Variants in SPARCL1 observed in about 807,000 individuals in gnomAD.
The protein encoded by SPARCL1 is SPARC-like protein 1.
Under a neutral mutation model 67.1 loss-of-function variants are expected in SPARCL1, and 52 were observed. The ratio of observed to expected loss-of-function variants is 0.78; its 90% CI spans 0.62 to 0.98. The LOEUF is 0.98. SPARCL1 is among the 50% of genes least tolerant of loss of function. SPARCL1 has a pLI of 0.00. For missense variants in SPARCL1, 717 were observed against 782.4 expected (o/e 0.92, Z 1.00); for synonymous variants, 226 against 267.8 (o/e 0.84, Z 1.52).
chr4:87,508,027 C>T (rs989871070), intron 1 of SPARCL1, among the ~76,000 whole-genome samples: 2 of 152,258 alleles, frequency 1.3e-5, no homozygotes, highest in African/African-American at 4.8e-5. Context: ...TAGGAACCTC[C>T]ATAGGTTCAG....
intron 1 of SPARCL1, among the ~76,000 whole-genome samples, chr4:87,501,190 G>A (rs1356867715): frequency 6.6e-6 from 1 of 152,118 alleles, no homozygotes; most frequent in South Asian, 2.1e-4. Context: ...CCAGAGCCTC[G>A]GAGTTCTTGC....
At chr4:87,496,677 A>C (rs971163472) in intron 2 of SPARCL1, among the ~76,000 whole-genome samples, 11 of 152,224 alleles carry the variant, frequency 7.2e-5, no homozygotes, top group Non-Finnish European at 1.5e-4. Flanking sequence ...ACACTGTGTC[A>C]ATAATATAAA....
At chr4:87,479,995 C>A (rs1357551466) in intron 9 of SPARCL1, among the ~76,000 whole-genome samples, 1 of 150,418 alleles carries the variant, frequency 6.6e-6, no homozygotes, top group African/African-American at 2.4e-5. Flanking sequence ...AACTTGGGAG[C>A]TGTGGTGTAG....
At chr4:87,483,707 T>G (rs1723928619) in intron 7 of SPARCL1, among the ~76,000 whole-genome samples, 1 of 152,256 alleles carries the variant, frequency 6.6e-6, no homozygotes, top group South Asian at 2.1e-4. Context: ...ACCAACAATA[T>G]GAAAGCGTTC....
intron 7 of SPARCL1, among the ~76,000 whole-genome samples, chr4:87,486,993 T>G (rs186096707): frequency 4.4e-4 from 65 of 148,690 alleles, no homozygotes; most frequent in South Asian, 1.1e-3. Flanking sequence ...TGTTTTTGCA[T>G]GTGAGCTGGG....
chr4:87,523,636 C>T (rs915064039), intron 1 of SPARCL1, among the ~76,000 whole-genome samples: 15 of 152,102 alleles, frequency 9.9e-5, no homozygotes, highest in Admixed American at 3.9e-4. Flanking sequence ...AGTGAACATA[C>T]ACATTGGTGT....
chr4:87,489,287 C>T (rs1724207553), intron 7 of SPARCL1, among the ~76,000 whole-genome samples: 1 of 152,150 alleles, frequency 6.6e-6, no homozygotes, highest in Admixed American at 6.6e-5. Flanking sequence ...GTATCTGGGC[C>T]AGAATGCACT....
chr4:87,492,634 A>C (rs1190615424), intron 4 of SPARCL1, among the ~76,000 whole-genome samples: 2 of 152,188 alleles, frequency 1.3e-5, no homozygotes, highest in Non-Finnish European at 2.9e-5. Flanking sequence ...AGCCAGAGTT[A>C]CATTGGAAAT....
chr4:87,485,169 T>C (rs1723998733), intron 7 of SPARCL1, among the ~76,000 whole-genome samples: 1 of 152,138 alleles, frequency 6.6e-6, no homozygotes, highest in South Asian at 2.1e-4. Flanking sequence ...TGTTTCCAGC[T>C]TCTGCCCATT....
intron 1 of SPARCL1, among the ~76,000 whole-genome samples, chr4:87,510,375 TC>T (rs1389889869): frequency 6.6e-6 from 1 of 152,106 alleles, no homozygotes; most frequent in African/African-American, 2.4e-5. Flanking sequence ...AGTGAGAACT[TC>T]CATTCTCTCC....
chr4:87,512,111 T>A (rs1406346104), intron 1 of SPARCL1, among the ~76,000 whole-genome samples: 3 of 151,848 alleles, frequency 2.0e-5, no homozygotes, highest in African/African-American at 7.3e-5. Context: ...ATTATAGGCA[T>A]GCGCCACCAA....
At chr4:87,527,867 T>TA (rs11407663) in intron 1 of SPARCL1, among the ~76,000 whole-genome samples, 43,399 of 148,358 alleles carry the variant, frequency 0.29, 6,713 homozygotes, top group South Asian at 0.43. Flanking sequence ...GTGTTTTGAA[T>TA]AAAAAAAAAA....
chr4:87,501,630 T>C (rs1180150477), intron 1 of SPARCL1, among the ~76,000 whole-genome samples: 2 of 152,132 alleles, frequency 1.3e-5, no homozygotes, highest in Non-Finnish European at 2.9e-5. Context: ...TTTTTTCTTC[T>C]TTATGGATGC....
At chr4:87,499,622 A>T (rs1724767131) in intron 1 of SPARCL1, 37 bp from the exon 2 acceptor site, 1 of 1,488,438 alleles carries the variant, frequency 6.7e-7, no homozygotes, top group Admixed American at 2.1e-5. Context: ...TGGCAGGGAA[A>T]AGTTTCCTCA....
intron 9 of SPARCL1, among the ~76,000 whole-genome samples, chr4:87,479,873 C>A (rs573774847): frequency 4.3e-4 from 65 of 152,198 alleles, no homozygotes; most frequent in Non-Finnish European, 7.4e-4. Context: ...CTGGCCATAC[C>A]TGATTGTTTT....
rs753242812 is a variant in SPARCL1, at chr4:87,494,348, G to T, written c.452C>A (p.Ser151Tyr). Residue 151 changes from serine (S) to tyrosine (Y), a missense_variant, in exon 4 of 11, where the codon TCT (serine) becomes TAT (tyrosine). Transcript: ENST00000282470. ...LAPGVSSFTD[S>Y]NQQESITKRE... ...CTTTGTGATACTTTCTTGTTGGTTA[G>T]AATCTGTGAAGGAACTAACACCAGG... The T allele has an allele frequency of 6.2e-7, 1 of 1,614,136 alleles. No individual in the cohort carries two copies. The highest frequency in any genetic ancestry group is 8.5e-7 in the Non-Finnish European group (1 of 1,180,034).
chr4:87,477,265 C>T (rs1189417647), intron 10 of SPARCL1, among the ~76,000 whole-genome samples: 1 of 152,206 alleles, frequency 6.6e-6, no homozygotes, highest in African/African-American at 2.4e-5. Flanking sequence ...TTTAAAATCA[C>T]ATGTCATATA....
At chr4:87,519,835 C>A (rs1044208958) in intron 1 of SPARCL1, among the ~76,000 whole-genome samples, 2 of 152,062 alleles carry the variant, frequency 1.3e-5, no homozygotes, top group African/African-American at 2.4e-5. Context: ...TTTATCTCAA[C>A]CAGGTTTTAG....
chr4:87,503,683 CTT>C (rs60057481), intron 1 of SPARCL1, among the ~76,000 whole-genome samples: 6 of 138,032 alleles, frequency 4.3e-5, no homozygotes, highest in Non-Finnish European at 6.2e-5. Context: ...TTTTTTTTTC[CTT>C]TTTTTTTTTT....
Sources: allele counts gnomAD v4.1 joint callset (sites outside exome capture counted in the v4.1 genomes callset), GRCh38; gene constraint gnomAD v4.1.1; transcripts MANE v1.5; gene names NCBI Gene and HGNC (gene_info 2026-07-23, HGNC 2026-07-21).